Variants in NETO2 observed in about 807,000 individuals in gnomAD.
The protein encoded by NETO2 is neuropilin and tolloid like 2.
Under a neutral mutation model 62.5 loss-of-function variants are expected in NETO2, and 28 were observed. The observed-to-expected ratio is 0.45, with a 90% CI of 0.33 to 0.61. The LOEUF (loss-of-function observed/expected upper bound fraction) is 0.61, where lower values mean the gene tolerates loss of function less well. NETO2 is among the 20% of genes least tolerant of loss of function. The pLI, the probability that NETO2 is intolerant of heterozygous loss-of-function variation, is 0.02. For missense variants in NETO2, 548 were observed against 643.2 expected, an observed-to-expected ratio of 0.85 and a Z score of 1.60; for synonymous variants, 214 against 219.1, an observed-to-expected ratio of 0.98 and a Z score of 0.21.
At position 47,129,279 on chromosome 16, in the gene NETO2, C is replaced by A. The variant is rs143382306; in HGVS notation, c.177G>T (p.Ser59=). The change falls in exon 3 of 9, where the codon TCG becomes TCT. Residue 59 remains serine (S), a synonymous_variant. Transcript: ENST00000562435. ...VRTSNGGHFA[S]PNYPDSYPPN... ...GTGGATATGAGTCAGGATAATTTGG[C>A]GAAGCAAAATGACCTCCATTGCTGG... 13 of 1,613,882 alleles carry A rather than the reference C, an allele frequency of 8.1e-6. No individual in the cohort carries two copies. In the East Asian group the frequency reaches 2.7e-4, roughly 33 times the overall value.
Position 47,083,165 on chromosome 16 carries a change from C to A in NETO2, c.*56G>T. 6.8e-7 allele frequency: 1 copy of A among 1,466,622 alleles called. No individual in the cohort carries two copies. The highest frequency in any genetic ancestry group is 9.3e-7 in the Non-Finnish European group (1 of 1,076,276). 90.9% of individuals were successfully genotyped at this position (1,466,622 alleles called of 1,614,324 possible). ...GTTGGCTGCTGGAAACAGTATGGTG[C>A]CCTGGAGGCTGCGTACGTACACACC... On this transcript the variant is annotated 3_prime_UTR_variant, in exon 9 of 9. Transcript: ENST00000562435.
intron 1 of NETO2, among the ~76,000 whole-genome samples, chr16:47,140,383 G>C (rs1200441889): frequency 1.3e-5 from 2 of 152,110 alleles, no homozygotes; most frequent in African/African-American, 4.8e-5. Flanking sequence ...TGTGCTGGAT[G>C]GGTGGTACCC....
intron 7 of NETO2, among the ~76,000 whole-genome samples, chr16:47,097,121 G>T (rs1438619179): frequency 6.6e-6 from 1 of 152,198 alleles, no homozygotes; most frequent in Non-Finnish European, 1.5e-5. Context: ...CGAGCTACCT[G>T]CAGAAGTTTT....
intron 4 of NETO2, among the ~76,000 whole-genome samples, chr16:47,126,335 A>G (rs1006474530): frequency 6.6e-6 from 1 of 152,220 alleles, no homozygotes; most frequent in African/African-American, 2.4e-5. Flanking sequence ...TTAAGCCACA[A>G]AAAGACATGG....
intron 7 of NETO2, among the ~76,000 whole-genome samples, chr16:47,095,537 G>C (rs1012675228): frequency 6.6e-6 from 1 of 152,158 alleles, no homozygotes; most frequent in African/African-American, 2.4e-5. Flanking sequence ...AGACAGCTAG[G>C]GGGTGGCAAG....
intron 4 of NETO2, among the ~76,000 whole-genome samples, chr16:47,125,797 C>A (rs1964145776): frequency 6.6e-6 from 1 of 152,094 alleles, no homozygotes; most frequent in Non-Finnish European, 1.5e-5. Context: ...CTCATGCAAT[C>A]CTCCAGCCTC....
chr16:47,118,770 C>T (rs940968317), intron 6 of NETO2, among the ~76,000 whole-genome samples: 2 of 152,218 alleles, frequency 1.3e-5, no homozygotes, highest in Non-Finnish European at 2.9e-5. Flanking sequence ...ATACTAGAGA[C>T]AAATCTCAGA....
rs568390109 is a variant in NETO2 at position 47,098,751 on chromosome 16, G to A, written c.883+10732C>T. On this transcript the variant is annotated intron_variant, in intron 7 of 8. Coordinates refer to ENST00000562435, the MANE Select transcript of NETO2 (RefSeq NM_018092.5). ...TCAGATTCACCAAGGTTGAAATGAA[G>A]GAAAAAATGTTAAGGGCAGCCAGAG... Among the ~76,000 whole-genome samples the A allele has an allele frequency of 7.2e-5, 11 of 152,232 alleles. No homozygotes were observed. The East Asian group carries it at 1.9e-3, about 27-fold the overall frequency.
At chr16:47,083,851 A>T in intron 8 of NETO2, 50 bp from the exon 9 acceptor site, 1 of 1,358,580 alleles carries the variant, frequency 7.4e-7, no homozygotes, top group South Asian at 1.4e-5. Flanking sequence ...CATTAATATG[A>T]ATCCTGGTAC....
chr16:47,131,435 AT>A (rs1049387796), intron 2 of NETO2, among the ~76,000 whole-genome samples: 7 of 152,208 alleles, frequency 4.6e-5, no homozygotes, highest in African/African-American at 1.7e-4. Flanking sequence ...ATTTTTCCTA[AT>A]TAACTTTTTA....
At chr16:47,087,226 A>G (rs1194895221) in intron 7 of NETO2, among the ~76,000 whole-genome samples, 1 of 151,972 alleles carries the variant, frequency 6.6e-6, no homozygotes, top group Non-Finnish European at 1.5e-5. Flanking sequence ...GGTTTTCACT[A>G]TGTTGGCCAG....
intron 6 of NETO2, among the ~76,000 whole-genome samples, chr16:47,111,190 A>AT (rs1430199068): frequency 6.6e-6 from 1 of 152,210 alleles, no homozygotes; most frequent in Non-Finnish European, 1.5e-5. Flanking sequence ...TTCATCCAGT[A>AT]TAATTCTTGC....
At chr16:47,104,186 T>G (rs1467892667) in intron 7 of NETO2, among the ~76,000 whole-genome samples, 2 of 152,054 alleles carry the variant, frequency 1.3e-5, no homozygotes, top group Non-Finnish European at 2.9e-5. Flanking sequence ...TCAACAAAGT[T>G]GCAGGATGCA....
At chr16:47,122,297 C>T (rs1964058084) in intron 6 of NETO2, among the ~76,000 whole-genome samples, 1 of 152,178 alleles carries the variant, frequency 6.6e-6, no homozygotes, top group Non-Finnish European at 1.5e-5. Flanking sequence ...CACATTTTCA[C>T]CTCTTGTAGC....
chr16:47,133,472 C>A (rs1336848989), intron 1 of NETO2, among the ~76,000 whole-genome samples: 1 of 151,788 alleles, frequency 6.6e-6, no homozygotes, highest in East Asian at 1.9e-4. Flanking sequence ...GCAGGAGGAT[C>A]ACTAGTGCCC....
intron 1 of NETO2, among the ~76,000 whole-genome samples, chr16:47,139,806 T>TGTGACAAACTCCTCCTTA: frequency 6.6e-6 from 1 of 152,344 alleles, no homozygotes; most frequent in East Asian, 1.9e-4. Context: ...TCCTGCAGAA[T>TGTGACAAACTCCTCCTTA]GTGACAAACT....
At chr16:47,123,117 T>A (rs927802920) in intron 4 of NETO2, among the ~76,000 whole-genome samples, 5 of 152,214 alleles carry the variant, frequency 3.3e-5, no homozygotes, top group Non-Finnish European at 5.9e-5. Context: ...CCATAGTGAA[T>A]AATTTATTTA....
chr16:47,103,863 A>C (rs1963610880), intron 7 of NETO2, among the ~76,000 whole-genome samples: 1 of 152,246 alleles, frequency 6.6e-6, no homozygotes, highest in African/African-American at 2.4e-5. Context: ...TTAACTATGA[A>C]TAGAAAAAAA....
intron 7 of NETO2, among the ~76,000 whole-genome samples, chr16:47,094,780 G>A (rs1488588157): frequency 6.6e-6 from 1 of 152,104 alleles, no homozygotes; most frequent in African/African-American, 2.4e-5. Context: ...GTGCAGTGGT[G>A]CAATCTTAGC....
Sources: gnomAD v4.1 joint callset for allele counts (sites outside exome capture counted in the v4.1 genomes callset) on GRCh38, gnomAD v4.1.1 for gene constraint, MANE v1.5 for transcripts, NCBI Gene and HGNC (gene_info 2026-07-23, HGNC 2026-07-21) for gene names.